The following PTPRD variants were observed in gnomAD, a reference collection of about 807,000 sequenced individuals.
PTPRD encodes protein tyrosine phosphatase receptor type D, also known as receptor-type tyrosine-protein phosphatase delta.
Under a neutral mutation model 214.5 loss-of-function variants are expected in PTPRD, and 34 were observed. The observed-to-expected ratio is 0.16, with a 90% CI of 0.12 to 0.21. The LOEUF is 0.21. Ranked by LOEUF, PTPRD falls within the 10% of genes least tolerant of loss-of-function variation. The pLI is 1.00. For synonymous variants in PTPRD, 1,128 were observed against 845.7 expected, an observed-to-expected ratio of 1.33 and a Z score of -5.79; for missense variants, 2,545 against 2,398.7, an observed-to-expected ratio of 1.06 and a Z score of -1.27.
intron 35 of PTPRD, among the ~76,000 whole-genome samples, chr9:8,411,125 G>C (rs2093478176): frequency 6.6e-6 from 1 of 151,704 alleles, no homozygotes; most frequent in Non-Finnish European, 1.5e-5. Flanking sequence ...GCCAACATGA[G>C]GTACTCTCTA....
intron 12 of PTPRD, among the ~76,000 whole-genome samples, chr9:8,643,871 G>A (rs560144025): frequency 3.3e-4 from 50 of 152,314 alleles, no homozygotes; most frequent in African/African-American, 1.2e-3. Flanking sequence ...AGGCAGACAG[G>A]CTCCTGGGCA....
At chr9:9,297,233 C>G (rs1384239914) in intron 9 of PTPRD, among the ~76,000 whole-genome samples, 1 of 151,560 alleles carries the variant, frequency 6.6e-6, no homozygotes, top group African/African-American at 2.4e-5. Context: ...TAGAGTCAGA[C>G]TAGAATTTAT....
intron 37 of PTPRD, among the ~76,000 whole-genome samples, chr9:8,376,938 G>A (rs150709367): frequency 5.7e-4 from 87 of 152,226 alleles, no homozygotes; most frequent in African/African-American, 2.0e-3. Flanking sequence ...ATACTAAACA[G>A]TAACAGATTC....
At chr9:10,289,022 A>T (rs1309425982) in intron 3 of PTPRD, among the ~76,000 whole-genome samples, 1 of 114,878 alleles carries the variant, frequency 8.7e-6, no homozygotes, top group Admixed American at 8.1e-5. Context: ...TAAGATGGAG[A>T]GTTTTTTTTT....
chr9:8,910,038 T>G (rs1420389772), intron 11 of PTPRD, among the ~76,000 whole-genome samples: 1 of 151,530 alleles, frequency 6.6e-6, no homozygotes. Context: ...TATTTATTAT[T>G]TATTTATTTA....
intron 9 of PTPRD, among the ~76,000 whole-genome samples, chr9:9,273,914 G>C (rs1163295844): frequency 6.6e-6 from 1 of 151,218 alleles, no homozygotes; most frequent in African/African-American, 2.4e-5. Context: ...ATCTATAAAG[G>C]AAATTTCATA....
intron 11 of PTPRD, among the ~76,000 whole-genome samples, chr9:8,880,986 C>T (rs1235793653): frequency 6.6e-6 from 1 of 152,046 alleles, no homozygotes; most frequent in Non-Finnish European, 1.5e-5. Flanking sequence ...AAGCTGGTGT[C>T]GAACTCCTGA....
chr9:10,285,801 C>G (rs1374188796), intron 3 of PTPRD, among the ~76,000 whole-genome samples: 2 of 151,310 alleles, frequency 1.3e-5, no homozygotes, highest in African/African-American at 2.4e-5. Context: ...TAGTAGAGAC[C>G]GGTTTCACCG....
chr9:9,358,209 A>T (rs2054608447), intron 9 of PTPRD, among the ~76,000 whole-genome samples: 1 of 151,320 alleles, frequency 6.6e-6, no homozygotes, highest in South Asian at 2.1e-4. Flanking sequence ...CATATTATAT[A>T]GGCAATTTTT....
At chr9:10,551,606 C>G (rs918755075) in intron 2 of PTPRD, among the ~76,000 whole-genome samples, 1 of 152,072 alleles carries the variant, frequency 6.6e-6, no homozygotes, top group African/African-American at 2.4e-5. Flanking sequence ...TATCTATAAA[C>G]CAGACATGGA....
At chr9:8,932,041 A>C (rs915227019) in intron 11 of PTPRD, among the ~76,000 whole-genome samples, 5 of 151,748 alleles carry the variant, frequency 3.3e-5, no homozygotes, top group African/African-American at 4.8e-5. Flanking sequence ...TGTCCATTTG[A>C]TTCTTCTCTC....
At chr9:8,984,010 T>A (rs1443753676) in intron 11 of PTPRD, among the ~76,000 whole-genome samples, 1 of 152,136 alleles carries the variant, frequency 6.6e-6, no homozygotes, top group African/African-American at 2.4e-5. Flanking sequence ...AATATATTTC[T>A]AAATAGTGGC....
intron 8 of PTPRD, among the ~76,000 whole-genome samples, chr9:9,467,139 A>T (rs576184073): frequency 6.9e-6 from 1 of 144,414 alleles, no homozygotes; most frequent in African/African-American, 2.6e-5. Flanking sequence ...GGACACATTT[A>T]TTGTGTCCTC....
chr9:9,932,408 G>A (rs944918612), intron 5 of PTPRD, among the ~76,000 whole-genome samples: 5 of 146,988 alleles, frequency 3.4e-5, no homozygotes, highest in African/African-American at 1.3e-4. Context: ...GAAAACCAAG[G>A]CTCCAGAACT....
intron 11 of PTPRD, among the ~76,000 whole-genome samples, chr9:8,838,272 C>G (rs572603601): frequency 4.4e-4 from 67 of 151,228 alleles, no homozygotes; most frequent in Non-Finnish European, 8.0e-4. Flanking sequence ...ACTGCAAATA[C>G]TTGGGGGAAG....
At chr9:9,665,712 T>C (rs1044295684) in intron 7 of PTPRD, among the ~76,000 whole-genome samples, 9 of 151,942 alleles carry the variant, frequency 5.9e-5, no homozygotes, top group Admixed American at 5.9e-4. Flanking sequence ...ATATCCTTTT[T>C]TCCTAGCCCA....
intron 11 of PTPRD, among the ~76,000 whole-genome samples, chr9:8,951,136 A>AGTGTGTGTGT (rs1184518253): frequency 4.7e-4 from 7 of 14,834 alleles, no homozygotes; most frequent in African/African-American, 8.4e-4. Flanking sequence ...TTTAGGAAAA[A>AGTGTGTGTGT]GAGTGTGTGT....
chr9:10,255,143 A>G (rs1296170447), intron 3 of PTPRD, among the ~76,000 whole-genome samples: 1 of 152,172 alleles, frequency 6.6e-6, no homozygotes, highest in Non-Finnish European at 1.5e-5. Flanking sequence ...GCTAACCTCA[A>G]AGAGTTGCTC....
chr9:8,860,322 T>C (rs1208025784), intron 11 of PTPRD: 1 of 152,110 alleles, frequency 6.6e-6, no homozygotes, highest in Non-Finnish European at 1.5e-5. Context: ...AACTAGCAAG[T>C]AGAAAAGGGA....
Sources: allele counts gnomAD v4.1 joint callset (sites outside exome capture counted in the v4.1 genomes callset), GRCh38; gene constraint gnomAD v4.1.1; transcripts MANE v1.5; gene names NCBI Gene and HGNC (gene_info 2026-07-23, HGNC 2026-07-21).